Variants in VIRMA observed in about 807,000 individuals in gnomAD.
The protein encoded by VIRMA is vir like m6A methyltransferase associated.
VIRMA carries 65 observed loss-of-function variants against 182.4 expected under a neutral mutation model. The observed-to-expected ratio is 0.36, with a 90% confidence interval of 0.29 to 0.44. The LOEUF is 0.44. VIRMA is among the 20% of genes least tolerant of loss of function. The pLI is 1.00. For missense variants in VIRMA, 1,752 were observed against 2,158.1 expected (o/e 0.81, Z 3.73); for synonymous variants, 709 against 743.1 (o/e 0.95, Z 0.75).
At chr8:94,552,988 A>C (rs761089263) in intron 1 of VIRMA, among the ~76,000 whole-genome samples, 6 of 152,180 alleles carry the variant, frequency 3.9e-5, no homozygotes, top group Admixed American at 6.5e-5. Flanking sequence ...CGTGATTCGG[A>C]AACCACGAAG....
intron 14 of VIRMA, 50 bp downstream of exon 14, chr8:94,510,366 AT>A (rs1468726895): frequency 7.0e-7 from 1 of 1,426,462 alleles, no homozygotes. Flanking sequence ...GAAAAAATAT[AT>A]GTGTCAAAAA....
chr8:94,535,936 C>G (rs1406334647), intron 4 of VIRMA, among the ~76,000 whole-genome samples: 2 of 152,164 alleles, frequency 1.3e-5, no homozygotes, highest in African/African-American at 2.4e-5. Flanking sequence ...TAGAGCTTAT[C>G]TACATTAATA....
intron 15 of VIRMA, among the ~76,000 whole-genome samples, chr8:94,508,985 T>C (rs1157298713): frequency 1.3e-5 from 2 of 152,024 alleles, no homozygotes; most frequent in African/African-American, 2.4e-5. Context: ...CAGGAAAAAA[T>C]ACTACTACTT....
intron 8 of VIRMA, among the ~76,000 whole-genome samples, chr8:94,520,781 A>C (rs1334191655): frequency 6.6e-6 from 1 of 152,210 alleles, no homozygotes; most frequent in Non-Finnish European, 1.5e-5. Context: ...GTGAGGGATG[A>C]CTGTACTATA....
rs142534601 is a variant in VIRMA at position 94,495,675 on chromosome 8, A to G, written c.4544+56T>C. On this transcript the variant is annotated intron_variant, in intron 19 of 23. Coordinates refer to ENST00000297591, the MANE Select transcript of VIRMA (RefSeq NM_015496.5). The stretch of plus-strand genomic sequence containing the variant: ...AAAAACGTTTGCTGGCACCCCCTAG[A>G]CTACAGCCATTTTAAAACCAACAGC... 1.3e-5 allele frequency: 19 copies of G among 1,509,892 alleles called. No individual in the cohort carries two copies. In the African/African-American group the frequency reaches 1.7e-4, roughly 13 times the overall value. 93.5% of individuals were successfully genotyped at this position (1,509,892 alleles called of 1,614,324 possible).
At chr8:94,501,517 G>C (rs373660521) in intron 16 of VIRMA, among the ~76,000 whole-genome samples, 26 of 152,318 alleles carry the variant, frequency 1.7e-4, no homozygotes, top group African/African-American at 6.3e-4. Flanking sequence ...TTAGTAATGA[G>C]TTTGAGACTG....
At chr8:94,494,449 A>G (rs1361124932) in intron 20 of VIRMA, among the ~76,000 whole-genome samples, 1 of 151,912 alleles carries the variant, frequency 6.6e-6, no homozygotes, top group Non-Finnish European at 1.5e-5. Context: ...AAAATTAGCC[A>G]GGCGTGGTGG....
In VIRMA at chr8:94,526,692, C is replaced by T. The variant is rs1162500675; in HGVS notation, c.1552G>A (p.Glu518Lys). ...TTCTGCCTACCTCTTAAAAAAGCTT[C>T]CATTCCTTCTGTCATACTAATGACA... Reference protein sequence around the residue: ...DSVISMTEGMEAFLRGRQNEK... With the variant: ...DSVISMTEGMKAFLRGRQNEK... Residue 518 changes from glutamate to lysine, a missense_variant, in exon 8 of 24, where the codon GAA becomes AAA. Physicochemically the swap from Glu to Lys is moderately conservative, Grantham distance 56 (BLOSUM62 1). This residue lies in a region of VIRMA where 401 missense variants were observed against 455.1 expected (regional missense o/e 0.88). Transcript: ENST00000297591. 2 of 1,613,708 alleles carry T rather than the reference C, an allele frequency of 1.2e-6. No homozygotes were observed. Among genetic ancestry groups the T allele is most frequent in the Non-Finnish European group, 1.7e-6 (2 of 1,179,990 alleles).
In VIRMA at chr8:94,488,526, CAA is replaced by C. The variant is rs1048823879; in HGVS notation, c.*178_*179del. 108 of 517,716 alleles carry C rather than the reference CAA, an allele frequency of 2.1e-4. No individual in the cohort carries two copies. Among genetic ancestry groups the C allele is most frequent in the African/African-American group, 1.9e-3 (102 of 52,696 alleles). The allele number at this position is 517,716 out of a possible 1,614,324, so 32.1% of individuals were successfully genotyped here. A position where few individuals can be genotyped will look rare whatever the true frequency, so the allele number is the denominator to read the frequency against. On this transcript the variant is annotated 3_prime_UTR_variant, in exon 24 of 24. Coordinates refer to ENST00000297591, the MANE Select transcript of VIRMA (RefSeq NM_015496.5). The stretch of plus-strand genomic sequence containing the variant: ...GGGAAAATATATACAAACGTACATA[CAA>C]AGTTTGGATTTTTATTGAAATCTTG...
intron 15 of VIRMA, 83 bp downstream of exon 15, chr8:94,509,605 T>C (rs1220759188): frequency 4.2e-6 from 6 of 1,422,960 alleles, no homozygotes; most frequent in South Asian, 1.5e-5. Context: ...ACAGCCAAAA[T>C]TTACATCAAG....
intron 19 of VIRMA, 51 bp from the exon 20 acceptor site, chr8:94,495,007 C>A: frequency 3.1e-6 from 4 of 1,299,002 alleles, no homozygotes; most frequent in South Asian, 2.5e-5. Flanking sequence ...AATCAAATTT[C>A]AATTTTTTTT....
At position 94,527,327 on chromosome 8, in the gene VIRMA, T is replaced by C. The variant is rs759075151; in HGVS notation, c.917A>G (p.Asp306Gly). The change falls in exon 8 of 24, where the codon GAT becomes GGT. Residue 306 changes from aspartate to glycine, a missense_variant. By Grantham distance (94) the Asp-to-Gly change is moderately conservative. Coordinates refer to ENST00000297591, the MANE Select transcript of VIRMA (RefSeq NM_015496.5). ...DGYEQISSDE[D>G]GIADLERETF... Reference sequence around the variant, plus strand: ...TTCACGTTCCAAGTCAGCAATTCCATCTTCATCACTGGAAATTTGTTCATA... The same window carrying C: ...TTCACGTTCCAAGTCAGCAATTCCACCTTCATCACTGGAAATTTGTTCATA... 5.0e-6 allele frequency: 8 copies of C among 1,586,626 alleles called. No homozygotes were observed. Among genetic ancestry groups the C allele is most frequent in the Non-Finnish European group, 6.9e-6 (8 of 1,164,124 alleles).
At chr8:94,517,320 A>G (rs1040815850) in intron 10 of VIRMA, among the ~76,000 whole-genome samples, 2 of 152,212 alleles carry the variant, frequency 1.3e-5, no homozygotes, top group African/African-American at 4.8e-5. Flanking sequence ...CTCTTGCCTC[A>G]GCCTCCCGAG....
chr8:94,517,887 C>A lies in VIRMA; in HGVS notation c.2569G>T (p.Val857Leu), dbSNP rs1321651547. The stretch of plus-strand genomic sequence containing the variant: ...ACATCACTGGAAGACTGAACCACCA[C>A]CAAAATAAGTATGCATGCGTAATTA... ...AYNYACILIL[V>L]VVQSSSDVQM... is the part of the protein sequence containing the mutation. Residue 857 changes from valine to leucine, a missense_variant, in exon 10 of 24, where the codon GTG (valine) becomes TTG (leucine). By Grantham distance (32) the Val-to-Leu change is conservative. Transcript: ENST00000297591. 4.3e-6 allele frequency: 7 copies of A among 1,612,112 alleles called. No individual in the cohort carries two copies. In the Admixed American group the frequency reaches 1.0e-4, roughly 23 times the overall value.
chr8:94,544,259 C>T (rs1815681642), intron 1 of VIRMA, among the ~76,000 whole-genome samples: 2 of 152,188 alleles, frequency 1.3e-5, no homozygotes, highest in African/African-American at 4.8e-5. Flanking sequence ...TTTTTGATTT[C>T]TAGAAAGATA....
chr8:94,499,341 T>C (rs924689024), intron 17 of VIRMA, 33 bp downstream of exon 17: 11 of 1,435,830 alleles, frequency 7.7e-6, no homozygotes, highest in African/African-American at 2.8e-5. Flanking sequence ...CATACATACA[T>C]ATATACACAA....
chr8:94,529,558 C>T (rs1815088100), intron 6 of VIRMA, among the ~76,000 whole-genome samples: 1 of 152,046 alleles, frequency 6.6e-6, no homozygotes, highest in Non-Finnish European at 1.5e-5. Flanking sequence ...CATTCCCTTT[C>T]TTTTTAGCTT....
rs571708786 is a variant in VIRMA at position 94,523,008 on chromosome 8, A to G, written c.2021+3215T>C. ...TCCATATGGTGGGAAAAAAACACTC[A>G]GTAAGTATTTAATTACTAGCTTCTT... On this transcript the variant is annotated intron_variant, in intron 8 of 23. Coordinates refer to ENST00000297591, the MANE Select transcript of VIRMA (RefSeq NM_015496.5). Among the ~76,000 whole-genome samples the G allele has an allele frequency of 1.1e-4, 17 of 152,278 alleles. No homozygotes were observed. In the East Asian group the frequency reaches 3.3e-3, roughly 29 times the overall value.
At chr8:94,491,489 T>A (rs1813606580) in intron 22 of VIRMA, 89 bp downstream of exon 22, 2 of 1,236,450 alleles carry the variant, frequency 1.6e-6, no homozygotes, top group African/African-American at 3.0e-5. Flanking sequence ...AAACTGTTTA[T>A]CTGAATCTCT....
Sources: allele counts gnomAD v4.1 joint callset (sites outside exome capture counted in the v4.1 genomes callset), GRCh38; gene constraint gnomAD v4.1.1; regional missense constraint gnomAD v4.1.1; transcripts MANE v1.5; gene names NCBI Gene and HGNC (gene_info 2026-07-23, HGNC 2026-07-21).